Variants in DLG2 observed in about 807,000 individuals in gnomAD.
The protein encoded by DLG2 is discs large MAGUK scaffold protein 2.
In DLG2, 45 loss-of-function variants were observed where a neutral mutation model predicts 132.5. The ratio of observed to expected loss-of-function variants is 0.34; its 90% CI spans 0.27 to 0.44. DLG2 has a LOEUF of 0.44. Ranked by LOEUF, DLG2 falls within the 20% of genes least tolerant of loss-of-function variation. DLG2 has a pLI of 1.00. For missense variants in DLG2, 1,045 were observed against 1,196.9 expected (o/e 0.87, Z 1.87); for synonymous variants, 424 against 419.6 (o/e 1.01, Z -0.13).
intron 10 of DLG2, among the ~76,000 whole-genome samples, chr11:84,081,441 G>GAA (rs67573011): frequency 1.3e-4 from 20 of 149,242 alleles, no homozygotes; most frequent in East Asian, 7.8e-4. Flanking sequence ...AAAGAAAAAA[G>GAA]AAAAAAAAAA....
At chr11:85,483,825 T>C (rs1385323189) in intron 3 of DLG2, among the ~76,000 whole-genome samples, 1 of 146,592 alleles carries the variant, frequency 6.8e-6, no homozygotes, top group Non-Finnish European at 1.5e-5. Context: ...GCACCTGTAA[T>C]CCCAGCTACT....
chr11:84,337,123 C>T (rs76138218), intron 7 of DLG2, among the ~76,000 whole-genome samples: 104 of 152,262 alleles, frequency 6.8e-4, no homozygotes, highest in South Asian at 1.9e-3. Flanking sequence ...GTTTATTCAA[C>T]TCTACAAGCT....
At chr11:84,026,753 A>C (rs1277090096) in intron 11 of DLG2, among the ~76,000 whole-genome samples, 1 of 152,052 alleles carries the variant, frequency 6.6e-6, no homozygotes, top group Non-Finnish European at 1.5e-5. Context: ...AATCCATCTA[A>C]TGGAACATAG....
At chr11:83,889,281 C>T (rs2068929646) in intron 15 of DLG2, among the ~76,000 whole-genome samples, 2 of 151,922 alleles carry the variant, frequency 1.3e-5, no homozygotes, top group Non-Finnish European at 2.9e-5. Context: ...ACAATCCCAT[C>T]AAAAAGTGGG....
At chr11:85,321,073 T>G (rs2081033182) in intron 3 of DLG2, among the ~76,000 whole-genome samples, 1 of 151,916 alleles carries the variant, frequency 6.6e-6, no homozygotes, top group African/African-American at 2.4e-5. Flanking sequence ...AGGAAACTAT[T>G]GAGCACTCTA....
intron 3 of DLG2, among the ~76,000 whole-genome samples, chr11:85,517,301 A>T (rs2094188287): frequency 6.6e-6 from 1 of 152,158 alleles, no homozygotes; most frequent in Non-Finnish European, 1.5e-5. Context: ...TAAAAGCCAT[A>T]TATGATGAAC....
chr11:85,558,040 A>G (rs1262997041), intron 3 of DLG2, among the ~76,000 whole-genome samples: 1 of 151,950 alleles, frequency 6.6e-6, no homozygotes, highest in Admixed American at 6.6e-5. Context: ...ATGGGAGAAA[A>G]TATTAGCAAA....
At chr11:84,833,063 TAGA>T (rs2079244560) in intron 6 of DLG2, among the ~76,000 whole-genome samples, 1 of 101,278 alleles carries the variant, frequency 9.9e-6, no homozygotes, top group Non-Finnish European at 2.4e-5. Context: ...AAATGAACTA[TAGA>T]AAAATTTTAT....
chr11:85,443,481 T>C (rs2091879250), intron 3 of DLG2, among the ~76,000 whole-genome samples: 2 of 152,342 alleles, frequency 1.3e-5, no homozygotes, highest in South Asian at 4.1e-4. Context: ...TAATATTCTA[T>C]GTTTCTCTGT....
chr11:85,098,531 A>G (rs1304030582), intron 6 of DLG2, among the ~76,000 whole-genome samples: 2 of 152,330 alleles, frequency 1.3e-5, no homozygotes, highest in East Asian at 3.9e-4. Context: ...TTTTTGCATC[A>G]AAGTTATAAA....
intron 6 of DLG2, among the ~76,000 whole-genome samples, chr11:84,846,159 G>A (rs1380647123): frequency 6.6e-6 from 1 of 151,958 alleles, no homozygotes; most frequent in Non-Finnish European, 1.5e-5. Flanking sequence ...ATATTCTTAT[G>A]AGGATGAAAT....
At chr11:85,263,397 A>T (rs1387709724) in intron 4 of DLG2, among the ~76,000 whole-genome samples, 3 of 152,116 alleles carry the variant, frequency 2.0e-5, no homozygotes, top group African/African-American at 7.2e-5. Flanking sequence ...TTTGCCCAAA[A>T]CGCATGTGGG....
intron 6 of DLG2, among the ~76,000 whole-genome samples, chr11:84,896,516 T>C (rs1033410896): frequency 1.3e-5 from 2 of 152,004 alleles, no homozygotes; most frequent in Non-Finnish European, 2.9e-5. Flanking sequence ...CAATGATAAA[T>C]AGTAATTGTA....
chr11:84,222,252 G>A (rs1193311810), intron 8 of DLG2, among the ~76,000 whole-genome samples: 2 of 152,016 alleles, frequency 1.3e-5, no homozygotes, highest in Admixed American at 6.6e-5. Flanking sequence ...GTCTGATCTC[G>A]AACTCCTGTC....
intron 3 of DLG2, among the ~76,000 whole-genome samples, chr11:85,375,373 C>G (rs895950181): frequency 1.3e-5 from 2 of 152,270 alleles, no homozygotes; most frequent in Non-Finnish European, 2.9e-5. Context: ...AGATCAAACA[C>G]CCGAATCTAA....
intron 3 of DLG2, among the ~76,000 whole-genome samples, chr11:85,427,248 A>C (rs1002165834): frequency 4.6e-5 from 7 of 152,224 alleles, no homozygotes; most frequent in African/African-American, 1.7e-4. Context: ...AAGGCAGGCC[A>C]ACATTCAAAT....
intron 4 of DLG2, among the ~76,000 whole-genome samples, chr11:85,253,057 T>A (rs2076477269): frequency 6.6e-6 from 1 of 152,238 alleles, no homozygotes; most frequent in Non-Finnish European, 1.5e-5. Flanking sequence ...TATCATATGC[T>A]CATAATTACT....
rs138349491 is a variant in DLG2, at chr11:85,262,837, G to A, written c.186+22383C>T. On this transcript the variant is annotated intron_variant, in intron 4 of 27. Coordinates refer to ENST00000376104, the MANE Select transcript of DLG2 (RefSeq NM_001142699.3). ...CATCTGCATCTCATTATGGAGCCAC[G>A]AGAATAAGCAGCCCAACCCTCATTT... is the stretch of plus-strand genomic sequence containing the variant. Among the ~76,000 whole-genome samples the A allele has an allele frequency of 1.8e-3, 275 of 152,202 alleles. 1 individual carries two copies. In the Middle Eastern group the frequency reaches 0.02, roughly 11 times the overall value.
intron 6 of DLG2, among the ~76,000 whole-genome samples, chr11:84,841,172 T>C (rs757315559): frequency 2.0e-4 from 31 of 151,816 alleles, no homozygotes; most frequent in Middle Eastern, 3.2e-3. Context: ...CCATATATGT[T>C]CCGTTATATA....
Sources: allele counts gnomAD v4.1 joint callset (sites outside exome capture counted in the v4.1 genomes callset), GRCh38; gene constraint gnomAD v4.1.1; transcripts MANE v1.5; gene names NCBI Gene and HGNC (gene_info 2026-07-23, HGNC 2026-07-21).